The following KIAA1549L variants were observed in gnomAD, a reference collection of about 807,000 sequenced individuals.
KIAA1549L encodes the protein UPF0606 protein KIAA1549L.
Under a neutral mutation model 160.7 loss-of-function variants are expected in KIAA1549L, and 88 were observed. The observed-to-expected ratio is 0.55, with a 90% CI of 0.46 to 0.65. The LOEUF (loss-of-function observed/expected upper bound fraction) is 0.65, where lower values mean the gene tolerates loss of function less well. KIAA1549L is among the 30% of genes least tolerant of loss of function. The probability of loss-of-function intolerance (pLI) is 0.00; values close to 1 mark genes in which losing one functional copy is unlikely to be tolerated. For missense variants in KIAA1549L, 2,258 were observed against 2,437.5 expected (o/e 0.93, Z 1.55); for synonymous variants, 950 against 976.7 (o/e 0.97, Z 0.51).
chr11:33,433,304 A>C (rs796329126), intron 1 of KIAA1549L, among the ~76,000 whole-genome samples: 17 of 152,382 alleles, frequency 1.1e-4, no homozygotes, highest in African/African-American at 3.8e-4. Context: ...GACACGTATC[A>C]AAAGAAGACA....
intron 1 of KIAA1549L, among the ~76,000 whole-genome samples, chr11:33,409,221 A>G (rs2134083934): frequency 6.6e-6 from 1 of 152,318 alleles, no homozygotes; most frequent in East Asian, 1.9e-4. Flanking sequence ...CAACACTGAC[A>G]CTGTGAAACC....
chr11:33,410,151 AG>A (rs1304408316), intron 1 of KIAA1549L, among the ~76,000 whole-genome samples: 1 of 152,178 alleles, frequency 6.6e-6, no homozygotes, highest in Non-Finnish European at 1.5e-5. Flanking sequence ...GGAGAAGAAA[AG>A]CAAGTGGGCT....
At chr11:33,423,623 A>G (rs561733484) in intron 1 of KIAA1549L, among the ~76,000 whole-genome samples, 1 of 152,220 alleles carries the variant, frequency 6.6e-6, no homozygotes, top group Non-Finnish European at 1.5e-5. Flanking sequence ...CAAACTTTCT[A>G]CTCAATGGGT....
chr11:33,507,014 G>T (rs1853107220), intron 1 of KIAA1549L, among the ~76,000 whole-genome samples: 1 of 152,188 alleles, frequency 6.6e-6, no homozygotes, highest in Middle Eastern at 3.4e-3. Flanking sequence ...GTTCAGTTTT[G>T]TGTACCAAAC....
At chr11:33,489,351 C>G (rs1323840117) in intron 1 of KIAA1549L, among the ~76,000 whole-genome samples, 1 of 152,138 alleles carries the variant, frequency 6.6e-6, no homozygotes, top group Admixed American at 6.5e-5. Context: ...GGAAAGATAT[C>G]TCTCTTTCTC....
intron 9 of KIAA1549L, among the ~76,000 whole-genome samples, chr11:33,573,602 G>A (rs1855344753): frequency 6.6e-6 from 1 of 152,108 alleles, no homozygotes; most frequent in African/African-American, 2.4e-5. Flanking sequence ...TCTTTTTACT[G>A]TTATAAACAA....
At chr11:33,658,691 G>T in intron 18 of KIAA1549L, 59 bp from the exon 19 acceptor site, 1 of 1,538,074 alleles carries the variant, frequency 6.5e-7, no homozygotes, top group South Asian at 1.2e-5. Flanking sequence ...CACTCCTCCT[G>T]CTCGGGACGC....
intron 10 of KIAA1549L, among the ~76,000 whole-genome samples, chr11:33,583,117 G>C (rs936811662): frequency 6.6e-6 from 1 of 152,176 alleles, no homozygotes; most frequent in Non-Finnish European, 1.5e-5. Flanking sequence ...ACTACAAAGT[G>C]ACAGCCCATT....
chr11:33,531,478 A>T (rs1307462691), intron 1 of KIAA1549L, among the ~76,000 whole-genome samples: 1 of 152,224 alleles, frequency 6.6e-6, no homozygotes, highest in African/African-American at 2.4e-5. Context: ...GTCTCAAAAA[A>T]ATAAATAAGT....
intron 6 of KIAA1549L, among the ~76,000 whole-genome samples, chr11:33,559,038 A>G (rs376813363): frequency 4.0e-5 from 6 of 151,586 alleles, no homozygotes; most frequent in South Asian, 2.1e-4. Flanking sequence ...GGGTTTCGCT[A>G]TGTTGGCCAG....
chr11:33,551,094 G>A lies in KIAA1549L; in HGVS notation c.3556G>A (p.Gly1186Arg). The A allele has an allele frequency of 3.7e-6, 6 of 1,613,986 alleles. No individual in the cohort carries two copies. Among genetic ancestry groups the A allele is most frequent in the Admixed American group, 1.7e-5 (1 of 60,022 alleles). Residue 1186 changes from glycine to arginine, a missense_variant, in exon 5 of 21, where the codon GGG becomes AGG. Coordinates refer to ENST00000658780, the MANE Select transcript of KIAA1549L (RefSeq NM_012194.3). ...NVTVGYYATKGKLVYLPAVVI... is the reference protein window; with the variant it reads ...NVTVGYYATKRKLVYLPAVVI... ...CACAGTTGGTTATTATGCTACCAAA[G>A]GGAAGTTGGTGTATTTGCCTGCTGT... is the stretch of plus-strand genomic sequence containing the variant.
At chr11:33,664,369 A>G (rs966181032) in intron 20 of KIAA1549L, among the ~76,000 whole-genome samples, 11 of 152,006 alleles carry the variant, frequency 7.2e-5, no homozygotes, top group African/African-American at 2.2e-4. Flanking sequence ...CGTCAGCCGC[A>G]CATCTCAGGA....
intron 19 of KIAA1549L, among the ~76,000 whole-genome samples, chr11:33,659,888 G>C (rs1188247685): frequency 6.6e-6 from 1 of 152,180 alleles, no homozygotes; most frequent in African/African-American, 2.4e-5. Flanking sequence ...GAGGGTGAGT[G>C]GGGCTGCATG....
intron 9 of KIAA1549L, among the ~76,000 whole-genome samples, chr11:33,573,932 T>C (rs1388631730): frequency 1.3e-5 from 2 of 152,186 alleles, no homozygotes; most frequent in Admixed American, 1.3e-4. Flanking sequence ...CAGAATGCCA[T>C]GTAAAAATAA....
intron 12 of KIAA1549L, 128 bp downstream of exon 12, chr11:33,591,549 T>C: frequency 1.3e-6 from 1 of 749,238 alleles, no homozygotes; most frequent in Non-Finnish European, 2.1e-6. Context: ...ATTTTGAATA[T>C]TTGAAAAGAG....
chr11:33,634,886 T>A (rs1851397404), intron 16 of KIAA1549L, among the ~76,000 whole-genome samples: 1 of 152,128 alleles, frequency 6.6e-6, no homozygotes, highest in Non-Finnish European at 1.5e-5. Context: ...AGCCCTGGAG[T>A]GATCGTAGAT....
intron 15 of KIAA1549L, among the ~76,000 whole-genome samples, chr11:33,613,521 G>C (rs1415541570): frequency 6.6e-6 from 1 of 152,190 alleles, no homozygotes; most frequent in Non-Finnish European, 1.5e-5. Context: ...TTTACTCATG[G>C]TGGAAGGAAA....
chr11:33,672,177 T>G lies in KIAA1549L; in HGVS notation c.*4023T>G, dbSNP rs1294019295. 6.6e-6 allele frequency: 1 copy of G among 152,288 alleles called. No individual in the cohort carries two copies. The highest frequency in any genetic ancestry group is 1.9e-4 in the East Asian group (1 of 5,196). 9.4% of individuals were successfully genotyped at this position (152,288 alleles called of 1,614,324 possible). On this transcript the variant is annotated 3_prime_UTR_variant, in exon 21 of 21. Transcript: ENST00000658780. ...ACATTCTCTGTCCTCATGGACTTTC[T>G]TCTCTGTTTCCCTCTGCCTATCTAT...
intron 16 of KIAA1549L, among the ~76,000 whole-genome samples, chr11:33,634,135 C>T (rs1332533139): frequency 2.0e-5 from 3 of 152,034 alleles, no homozygotes; most frequent in Non-Finnish European, 4.4e-5. Flanking sequence ...TTCTGCCTCC[C>T]GGGTTCAAGC....
Sources: allele counts gnomAD v4.1 joint callset (sites outside exome capture counted in the v4.1 genomes callset), GRCh38; gene constraint gnomAD v4.1.1; transcripts MANE v1.5; gene names NCBI Gene and HGNC (gene_info 2026-07-23, HGNC 2026-07-21).